Variants in HK1 observed in about 807,000 individuals in gnomAD.
HK1 encodes the protein hexokinase-1.
A neutral mutation model predicts 91.6 loss-of-function variants in HK1; 28 were observed. The ratio of observed to expected loss-of-function variants is 0.31; its 90% confidence interval spans 0.23 to 0.42. The LOEUF (loss-of-function observed/expected upper bound fraction) is 0.42, where lower values mean the gene tolerates loss of function less well. Among genes scored for constraint, HK1 ranks in the 10% least tolerant of loss-of-function variants. HK1 has a pLI of 1.00. For synonymous variants in HK1, 430 were observed against 468.1 expected, an observed-to-expected ratio of 0.92 and a Z score of 1.05; for missense variants, 770 against 1,219.8, an observed-to-expected ratio of 0.63 and a Z score of 5.49.
chr10:69,319,926 A>G (rs1226935553), intron 1 of HK1, among the ~76,000 whole-genome samples: 1 of 151,762 alleles, frequency 6.6e-6, no homozygotes, highest in Non-Finnish European at 1.5e-5. Context: ...TACAGGCTCC[A>G]GGCCCACCCA....
At chr10:69,396,246 G>A (rs572229107) in intron 16 of HK1, among the ~76,000 whole-genome samples, 31 of 149,042 alleles carry the variant, frequency 2.1e-4, no homozygotes, top group Non-Finnish European at 3.6e-4. Context: ...ACTCCATCCT[G>A]GGCGACAGAG....
upstream of HK1, among the ~76,000 whole-genome samples, chr10:69,317,609 A>G (rs936274989): frequency 6.6e-6 from 1 of 152,136 alleles, no homozygotes; most frequent in African/African-American, 2.4e-5. Flanking sequence ...AAAGTGACCT[A>G]TTTAGGCAGA....
chr10:69,284,937 C>A (rs904197857), intron 2 of HK1, among the ~76,000 whole-genome samples: 1 of 152,096 alleles, frequency 6.6e-6, no homozygotes, highest in Non-Finnish European at 1.5e-5. Context: ...CTGCCTCAGC[C>A]TCCTGAATAG....
chr10:69,382,818 C>T (rs1418192949), intron 10 of HK1, 27 bp downstream of exon 10: 2 of 1,602,858 alleles, frequency 1.2e-6, no homozygotes, highest in Admixed American at 1.7e-5. Flanking sequence ...GGCTGACATG[C>T]CTGTCCTGCT....
exon 1 of HK1, chr10:69,270,066 C>T (rs1844077277): frequency 6.6e-6 from 1 of 152,224 alleles, no homozygotes; most frequent in Non-Finnish European, 1.5e-5. Flanking sequence ...GGAGGGTTAA[C>T]TTCTCAAAGT....
chr10:69,338,921 C>A (rs1184657145), intron 1 of HK1, among the ~76,000 whole-genome samples: 1 of 152,128 alleles, frequency 6.6e-6, no homozygotes, highest in Non-Finnish European at 1.5e-5. Context: ...GTCAGCCTTT[C>A]TTCCTGGGTT....
chr10:69,359,136 G>A (rs928513573), intron 2 of HK1, among the ~76,000 whole-genome samples: 1 of 152,098 alleles, frequency 6.6e-6, no homozygotes, highest in African/African-American at 2.4e-5. Flanking sequence ...GGTCACAAAA[G>A]GACAAATAAC....
At chr10:69,272,654 GTT>G (rs10716029) in intron 1 of HK1, among the ~76,000 whole-genome samples, 10,006 of 146,780 alleles carry the variant, frequency 0.068, 466 homozygotes, top group South Asian at 0.16. Context: ...TTTTCTGCAA[GTT>G]TTTTTTTTTT....
At chr10:69,273,567 G>T (rs533517703) in intron 1 of HK1, among the ~76,000 whole-genome samples, 1 of 152,190 alleles carries the variant, frequency 6.6e-6, no homozygotes, top group East Asian at 1.9e-4. Flanking sequence ...GGCCAGGCTG[G>T]TGTCGAACTC....
At chr10:69,304,015 T>G (rs1284432779) in intron 5 of HK1, among the ~76,000 whole-genome samples, 1 of 152,138 alleles carries the variant, frequency 6.6e-6, no homozygotes, top group Non-Finnish European at 1.5e-5. Flanking sequence ...TTTATCAATC[T>G]GGGGGGTGCC....
chr10:69,366,485 A>G lies in HK1; in HGVS notation c.495+1583A>G, dbSNP rs78245342. Among the ~76,000 whole-genome samples the G allele has an allele frequency of 6.3e-3, 959 of 152,252 alleles. 11 individuals are homozygous for G. Among genetic ancestry groups the G allele is most frequent in the African/African-American group, 0.022 (902 of 41,556 alleles). On this transcript the variant is annotated intron_variant, in intron 4 of 17. Coordinates refer to ENST00000359426, the MANE Select transcript of HK1 (RefSeq NM_000188.3). ...AAGGGGCTTGAGAGCACAGCAGGCC[A>G]AGATGAGCGCAGAGGTCTCCCCAGG...
At chr10:69,315,224 T>TTGC (rs533196367), upstream of HK1, among the ~76,000 whole-genome samples, 65 of 152,330 alleles carry the variant, frequency 4.3e-4, no homozygotes, top group Non-Finnish European at 5.7e-4. Context: ...TATGTAAACA[T>TTGC]TGCTATTCAG....
intron 2 of HK1, among the ~76,000 whole-genome samples, chr10:69,285,045 C>A (rs1844952561): frequency 6.6e-6 from 1 of 152,062 alleles, no homozygotes; most frequent in African/African-American, 2.4e-5. Flanking sequence ...TCTCGAACTC[C>A]TGACCTCAGG....
chr10:69,341,380 C>T (rs72805696), intron 1 of HK1, among the ~76,000 whole-genome samples: 12,678 of 151,412 alleles, frequency 0.084, 670 homozygotes, highest in African/African-American at 0.15. Context: ...AGGCTGCTCT[C>T]GAACTCCTGG....
upstream of HK1, among the ~76,000 whole-genome samples, chr10:69,311,701 G>C (rs1162099502): frequency 6.6e-6 from 1 of 151,832 alleles, no homozygotes; most frequent in African/African-American, 2.4e-5. Flanking sequence ...TAGTGGCACA[G>C]TCTTGGCTCA....
At chr10:69,323,244 CAAAA>C (rs376198465) in intron 1 of HK1, among the ~76,000 whole-genome samples, 1 of 92,418 alleles carries the variant, frequency 1.1e-5, no homozygotes, top group South Asian at 3.1e-4. Context: ...AACTCTGTCT[CAAAA>C]AAAAAAAAAA....
intron 1 of HK1, among the ~76,000 whole-genome samples, chr10:69,273,681 C>T (rs1302768863): frequency 2.0e-5 from 3 of 152,218 alleles, no homozygotes; most frequent in Admixed American, 2.0e-4. Context: ...AACTAGTCTT[C>T]AAGTTCAGTG....
At position 69,401,013 on chromosome 10, in the gene HK1, A is replaced by G; in HGVS notation, c.2632A>G (p.Thr878Ala). 1.2e-6 allele frequency: 2 copies of G among 1,614,244 alleles called. No homozygotes were observed. The highest frequency in any genetic ancestry group is 1.7e-6 in the Non-Finnish European group (2 of 1,180,046). Residue 878 changes from threonine (T) to alanine (A), a missense_variant, in exon 18 of 18, where the codon ACG becomes GCG. This residue lies in a region of HK1 where 78 missense variants were observed against 99.0 expected (regional missense o/e 0.79). Transcript: ENST00000359426. ...TAGCTTCTCCAGAATCATGCACCAG[A>G]CGGTGAAGGAACTGTCACCAAAATG... is the stretch of plus-strand genomic sequence containing the variant. The part of the protein sequence containing the change: ...HPHFSRIMHQ[T>A]VKELSPKCNV...
intron 4 of HK1, chr10:69,300,419 T>G: frequency 1.5e-6 from 1 of 671,622 alleles, no homozygotes; most frequent in Non-Finnish European, 2.6e-6. Flanking sequence ...TGTAAATATG[T>G]ATAACATCTC....
Sources: allele counts gnomAD v4.1 joint callset (sites outside exome capture counted in the v4.1 genomes callset), GRCh38; gene constraint gnomAD v4.1.1; regional missense constraint gnomAD v4.1.1; transcripts MANE v1.5; gene names NCBI Gene and HGNC (gene_info 2026-07-23, HGNC 2026-07-21).